The following NUP37 variants were observed in gnomAD, a reference collection of about 807,000 sequenced individuals.
NUP37 encodes the protein nucleoporin Nup37.
A neutral mutation model predicts 45.4 loss-of-function variants in NUP37; 33 were observed. The ratio of observed to expected loss-of-function variants is 0.73; its 90% confidence interval spans 0.55 to 0.97. NUP37 has a LOEUF of 0.97. NUP37 is among the 50% of genes least tolerant of loss of function. NUP37 has a pLI of 0.00. For synonymous variants in NUP37, 127 were observed against 130.7 expected, an observed-to-expected ratio of 0.97 and a Z score of 0.19; for missense variants, 365 against 389.7, an observed-to-expected ratio of 0.94 and a Z score of 0.53.
chr12:102,075,160 C>A (rs559217507), intron 8 of NUP37, 66 bp from the exon 9 acceptor site: 1 of 1,021,968 alleles, frequency 9.8e-7, no homozygotes, highest in Non-Finnish European at 1.4e-6. Flanking sequence ...TTTTCTGAAG[C>A]GGGCTTTTTC....
Position 102,101,027 on chromosome 12 carries a change from C to T in NUP37, c.354+5G>A. 1 of 1,465,868 alleles carries T rather than the reference C, an allele frequency of 6.8e-7. No individual in the cohort carries two copies. The highest frequency in any genetic ancestry group is 9.4e-7 in the Non-Finnish European group (1 of 1,067,960). The allele number at this position is 1,465,868 out of a possible 1,614,324, so 90.8% of individuals were successfully genotyped here. On this transcript the variant is annotated splice_donor_5th_base_variant and intron_variant, in intron 4 of 9. Transcript: ENST00000552283. ...CTCTAAAGATTTATATGGTTGTCAA[C>T]ATACCTTATATTCATTTTTATCCTG... is the stretch of plus-strand genomic sequence containing the variant.
At chr12:102,113,083 G>A (rs560527304) in intron 2 of NUP37, among the ~76,000 whole-genome samples, 2 of 152,304 alleles carry the variant, frequency 1.3e-5, no homozygotes, top group Admixed American at 1.3e-4. Context: ...TGGCAATGGA[G>A]ACAATAACCT....
At chr12:102,077,051 G>A in intron 7 of NUP37, 1 of 607,534 alleles carries the variant, frequency 1.6e-6, no homozygotes, top group African/African-American at 1.8e-5. Flanking sequence ...TCATGCAACA[G>A]GGTCAGTGTT....
In NUP37 at chr12:102,075,054, A is replaced by G; in HGVS notation, c.814T>C (p.Tyr272His). 1 of 1,611,284 alleles carries G rather than the reference A, an allele frequency of 6.2e-7. No individual in the cohort carries two copies. The highest frequency in any genetic ancestry group is 8.5e-7 in the Non-Finnish European group (1 of 1,178,288). The change falls in exon 9 of 10, where the codon TAT becomes CAT. Residue 272 changes from tyrosine to histidine, a missense_variant. Tyr to His is a moderately conservative substitution (Grantham distance 83). Coordinates refer to ENST00000552283, the MANE Select transcript of NUP37 (RefSeq NM_024057.4). ...ISENLFATTG[Y>H]PGKMASQFQI... ...AACTGGCTTGCCATTTTGCCAGGAT[A>G]ACCAGTGGTTGCAAACAGATTTTCA... is the stretch of plus-strand genomic sequence containing the variant.
intron 5 of NUP37, among the ~76,000 whole-genome samples, chr12:102,090,248 G>C (rs1451497277): frequency 7.0e-6 from 1 of 141,902 alleles, no homozygotes; most frequent in Non-Finnish European, 1.5e-5. Context: ...TTTTTTTTTT[G>C]CGTTTTATTT....
Position 102,109,321 on chromosome 12 carries a change from A to T in NUP37, c.281+2787T>A, listed in dbSNP as rs60678181. 3.4e-3 allele frequency among the ~76,000 whole-genome samples: 511 copies of T among 152,338 alleles called. 2 individuals are homozygous for T. Among genetic ancestry groups the T allele is most frequent in the African/African-American group, 0.011 (477 of 41,586 alleles). Reference sequence around the variant, plus strand: ...CATGAAGGATTTCTAAATGTAAGATAAAAATTAATGATGATAAGAGAGATG... The same window carrying T: ...CATGAAGGATTTCTAAATGTAAGATTAAAATTAATGATGATAAGAGAGATG... On this transcript the variant is annotated intron_variant, in intron 3 of 9. Coordinates refer to ENST00000552283, the MANE Select transcript of NUP37 (RefSeq NM_024057.4).
chr12:102,113,177 AT>A (rs1880365605), intron 2 of NUP37, among the ~76,000 whole-genome samples: 1 of 152,236 alleles, frequency 6.6e-6, no homozygotes, highest in South Asian at 2.1e-4. Context: ...TTATAAGGGT[AT>A]CTGCCTACAT....
intron 6 of NUP37, among the ~76,000 whole-genome samples, chr12:102,083,700 T>C (rs1020437436): frequency 5.3e-5 from 8 of 152,120 alleles, no homozygotes; most frequent in African/African-American, 1.4e-4. Flanking sequence ...TTCACAAATA[T>C]ATGGTGAAAG....
At position 102,079,129 on chromosome 12, in the gene NUP37, T is replaced by C. The variant is rs549117977; in HGVS notation, c.541-1626A>G. The C allele has an allele frequency of 7.6e-5, 34 of 449,302 alleles. 1 individual carries two copies. The highest frequency in any genetic ancestry group is 5.3e-4 in the South Asian group (33 of 62,746). The allele number at this position is 449,302 out of a possible 1,614,324, so 27.8% of individuals were successfully genotyped here. ...TCCTTGAGGGTGTAAATAGTAGTGG[T>C]AGATTGGCAAGAATGTGGGATTTGG... On this transcript the variant is annotated intron_variant, in intron 6 of 9. Transcript: ENST00000552283.
chr12:102,075,130 T>C (rs767741106), intron 8 of NUP37, 36 bp from the exon 9 acceptor site: 51 of 1,322,048 alleles, frequency 3.9e-5, no homozygotes, highest in Non-Finnish European at 5.4e-5. Context: ...AAGTATCGTA[T>C]CCTATGGATA....
At chr12:102,081,699 C>A (rs1021532402) in intron 6 of NUP37, among the ~76,000 whole-genome samples, 1 of 151,982 alleles carries the variant, frequency 6.6e-6, no homozygotes, top group Non-Finnish European at 1.5e-5. Context: ...GGCTGTTAAA[C>A]CTATTTCATT....
intron 5 of NUP37, among the ~76,000 whole-genome samples, chr12:102,090,867 G>A (rs960777421): frequency 1.3e-5 from 2 of 152,116 alleles, no homozygotes; most frequent in African/African-American, 2.4e-5. Flanking sequence ...ATTAAAATAA[G>A]GCAGGTAGGC....
intron 3 of NUP37, among the ~76,000 whole-genome samples, chr12:102,110,127 G>A (rs985473826): frequency 6.6e-6 from 1 of 152,124 alleles, no homozygotes; most frequent in Non-Finnish European, 1.5e-5. Flanking sequence ...TCTAATAGAA[G>A]AAACAAATAT....
intron 6 of NUP37, among the ~76,000 whole-genome samples, chr12:102,079,442 T>C (rs766175651): frequency 2.6e-5 from 4 of 152,184 alleles, no homozygotes; most frequent in Non-Finnish European, 4.4e-5. Context: ...CTGCAAACAC[T>C]CAACTAGTGA....
chr12:102,101,104 TC>T lies in NUP37; in HGVS notation c.282-1del. On this transcript the variant is annotated splice_acceptor_variant, in intron 3 of 9. Transcript: ENST00000552283. LOFTEE classifies it high-confidence loss of function. ...TCATATCAGCAGCTGAAGTACAAAA[TC>T]TGGAAGCAAAAAAACAAAAATATAC... 6.4e-7 allele frequency: 1 copy of T among 1,556,956 alleles called. No homozygotes were observed. The highest frequency in any genetic ancestry group is 8.7e-7 in the Non-Finnish European group (1 of 1,149,784).
chr12:102,076,908 G>T, intron 7 of NUP37, 61 bp from the exon 8 acceptor site: 1 of 1,172,452 alleles, frequency 8.5e-7, no homozygotes, highest in Non-Finnish European at 1.3e-6. Flanking sequence ...GTGAACTTAA[G>T]GTTTAAACAG....
At chr12:102,099,737 CA>C (rs1181807388) in intron 4 of NUP37, among the ~76,000 whole-genome samples, 2 of 152,110 alleles carry the variant, frequency 1.3e-5, no homozygotes, top group Non-Finnish European at 2.9e-5. Flanking sequence ...ATCACCAACA[CA>C]AAAAATCTCG....
At chr12:102,087,562 C>T (rs1594387833) in intron 5 of NUP37, among the ~76,000 whole-genome samples, 1 of 152,158 alleles carries the variant, frequency 6.6e-6, no homozygotes, top group East Asian at 1.9e-4. Flanking sequence ...AACTGTGTTT[C>T]ACTCCCCACG....
intron 1 of NUP37, among the ~76,000 whole-genome samples, chr12:102,119,686 G>A (rs1394463604): frequency 3.9e-5 from 6 of 152,178 alleles, no homozygotes; most frequent in Admixed American, 6.5e-5. Flanking sequence ...GACTTTTGAA[G>A]GGTGACCAGC....
Sources: allele counts gnomAD v4.1 joint callset (sites outside exome capture counted in the v4.1 genomes callset), GRCh38; gene constraint gnomAD v4.1.1; transcripts MANE v1.5; gene names NCBI Gene and HGNC (gene_info 2026-07-23, HGNC 2026-07-21).